TOP2B: variants seen among roughly 807,000 people sequenced by gnomAD.
The protein encoded by TOP2B is DNA topoisomerase 2-beta.
In TOP2B, 51 loss-of-function variants were observed where a neutral mutation model predicts 193.5. The observed-to-expected ratio is 0.26, with a 90% confidence interval of 0.21 to 0.33. TOP2B has a LOEUF of 0.33. TOP2B is among the 10% of genes least tolerant of loss of function. TOP2B has a pLI of 1.00. For synonymous variants in TOP2B, 634 were observed against 635.7 expected, an observed-to-expected ratio of 1.00 and a Z score of 0.04; for missense variants, 1,378 against 1,909.3, an observed-to-expected ratio of 0.72 and a Z score of 5.19.
At position 25,609,572 on chromosome 3, in the gene TOP2B, C is replaced by T. The variant is rs2125351647; in HGVS notation, c.3927G>A (p.Glu1309=). 1.9e-6 allele frequency: 3 copies of T among 1,606,262 alleles called. No homozygotes were observed. Among genetic ancestry groups the T allele is most frequent in the Non-Finnish European group, 2.6e-6 (3 of 1,176,086 alleles). ...KGPKPKREKK[E]PGTRVRKTPT... ...AAAACTATAATCATTTCTCACCAGG[C>T]TCCTTCTTCTCCCTCTTAGGTTTGG... Residue 1309 remains glutamate, a synonymous_variant, in exon 29 of 36, where the codon GAG becomes GAA. Coordinates refer to ENST00000264331, the MANE Select transcript of TOP2B (RefSeq NM_001330700.2).
intron 1 of TOP2B, among the ~76,000 whole-genome samples, chr3:25,661,747 C>T (rs548780364): frequency 2.6e-5 from 4 of 152,286 alleles, no homozygotes; most frequent in African/African-American, 9.6e-5. Context: ...CCTAAAACCA[C>T]TTGGCTTTGT....
At chr3:25,659,861 G>A (rs1420986558) in intron 1 of TOP2B, among the ~76,000 whole-genome samples, 1 of 152,158 alleles carries the variant, frequency 6.6e-6, no homozygotes, top group African/African-American at 2.4e-5. Context: ...AGAACACTGA[G>A]TCTGGTTTAA....
At position 25,630,848 on chromosome 3, in the gene TOP2B, T is replaced by C; in HGVS notation, c.1358A>G (p.Tyr453Cys). Residue 453 changes from tyrosine to cysteine, a missense_variant, in exon 11 of 36, where the codon TAC (tyrosine) becomes TGC (cysteine). Transcript: ENST00000264331. ...QLNKKCSSVK[Y>C]SKIKGIPKLD... ...TTTGGGAATACCTTTGATTTTACTG[T>C]ATTTTACTGATGAACACTTCTTATT... 6.2e-7 allele frequency: 1 copy of C among 1,601,612 alleles called. No individual in the cohort carries two copies. The highest frequency in any genetic ancestry group is 1.7e-5 in the Admixed American group (1 of 57,542).
chr3:25,648,729 G>C (rs544436729), intron 1 of TOP2B, among the ~76,000 whole-genome samples: 1 of 152,226 alleles, frequency 6.6e-6, no homozygotes, highest in South Asian at 2.1e-4. Context: ...AGGTGTGGTA[G>C]TGCACACTTG....
In TOP2B at chr3:25,642,571, C is replaced by T. The variant is rs1433056170; in HGVS notation, c.332-186G>A. Among the ~76,000 whole-genome samples, 3 of 152,148 alleles carry T rather than the reference C, an allele frequency of 2.0e-5. No homozygotes were observed. In the East Asian group the frequency reaches 5.8e-4, roughly 29 times the overall value. ...ATAATATTCCTAAATTGTATTATCA[C>T]ACCAAATTACTGTTATGTTTTCCAC... On this transcript the variant is annotated intron_variant, in intron 3 of 35. Coordinates refer to ENST00000264331, the MANE Select transcript of TOP2B (RefSeq NM_001330700.2).
intron 4 of TOP2B, among the ~76,000 whole-genome samples, chr3:25,639,606 T>G (rs1028492415): frequency 6.6e-6 from 1 of 152,192 alleles, no homozygotes; most frequent in African/African-American, 2.4e-5. Flanking sequence ...GCGCCCAGCC[T>G]CCACATTTGT....
chr3:25,661,135 G>A (rs1246112089), intron 1 of TOP2B, among the ~76,000 whole-genome samples: 1 of 151,902 alleles, frequency 6.6e-6, no homozygotes, highest in African/African-American at 2.4e-5. Context: ...CGAGTAGCTG[G>A]GATTACAAGC....
intron 7 of TOP2B, among the ~76,000 whole-genome samples, chr3:25,634,799 C>CAAAAAAAAAAAAAAAAAAAAA (rs1224120357): frequency 1.0e-5 from 1 of 96,444 alleles, no homozygotes; most frequent in Non-Finnish European, 2.0e-5. Context: ...AAAAAAAAAC[C>CAAAAAAAAAAAAAAAAAAAAA]AAAAAAAGGC....
intron 21 of TOP2B, 77 bp from the exon 22 acceptor site, chr3:25,620,893 G>A (rs1171253267): frequency 2.1e-6 from 3 of 1,446,880 alleles, no homozygotes; most frequent in African/African-American, 1.4e-5. Flanking sequence ...AACATTGACA[G>A]ATTAACACAA....
chr3:25,660,998 ATTTTTT>A (rs11460770), intron 1 of TOP2B, among the ~76,000 whole-genome samples: 7 of 131,460 alleles, frequency 5.3e-5, no homozygotes, highest in African/African-American at 2.0e-4. Flanking sequence ...TCTTAGGTTG[ATTTTTT>A]TTTTTTTTTT....
intron 33 of TOP2B, 145 bp downstream of exon 33, chr3:25,604,615 A>G (rs912054597): frequency 3.2e-6 from 2 of 621,726 alleles, no homozygotes; most frequent in African/African-American, 3.9e-5. Context: ...AGATGGCTAG[A>G]AAACGAGAGG....
chr3:25,625,663 C>T (rs1702782474), intron 18 of TOP2B, among the ~76,000 whole-genome samples: 2 of 152,124 alleles, frequency 1.3e-5, no homozygotes, highest in Non-Finnish European at 2.9e-5. Flanking sequence ...TGGCCCAAGA[C>T]AATTCTTCCT....
chr3:25,610,699 T>G (rs1375292226), intron 28 of TOP2B, among the ~76,000 whole-genome samples: 1 of 152,200 alleles, frequency 6.6e-6, no homozygotes, highest in Non-Finnish European at 1.5e-5. Flanking sequence ...CACTGAAGAT[T>G]TTTAAGCCTA....
Position 25,626,693 on chromosome 3 carries a change from A to G in TOP2B, c.2110-19T>C. On this transcript the variant is annotated intron_variant, in intron 17 of 35. Transcript: ENST00000264331. ...AAAATTGCTAAGAGAAAAGTTATATAGCAATATTATCATTATTACTGCATG... is the reference window on the plus strand; with the variant it reads ...AAAATTGCTAAGAGAAAAGTTATATGGCAATATTATCATTATTACTGCATG... The G allele has an allele frequency of 6.7e-7, 1 of 1,501,534 alleles. No homozygotes were observed. Among genetic ancestry groups the G allele is most frequent in the Non-Finnish European group, 9.0e-7 (1 of 1,107,486 alleles). The allele number at this position is 1,501,534 out of a possible 1,614,324, so 93.0% of individuals were successfully genotyped here.
At chr3:25,606,419 C>CA (rs1182707847) in intron 31 of TOP2B, among the ~76,000 whole-genome samples, 1 of 151,962 alleles carries the variant, frequency 6.6e-6, no homozygotes, top group Non-Finnish European at 1.5e-5. Context: ...TAAAGTTATT[C>CA]AAAATACTTT....
intron 11 of TOP2B, 62 bp from the exon 12 acceptor site, chr3:25,630,531 T>C: frequency 7.5e-7 from 1 of 1,339,946 alleles, no homozygotes; most frequent in Non-Finnish European, 1.0e-6. Flanking sequence ...ATGAGAAAAA[T>C]GAAGTCAGAA....
At chr3:25,600,576 AT>A (rs150363543) in intron 34 of TOP2B, among the ~76,000 whole-genome samples, 2,041 of 152,318 alleles carry the variant, frequency 0.013, 48 homozygotes, top group African/African-American at 0.045. Flanking sequence ...CCCTCACAGC[AT>A]GAGCTACCCT....
At chr3:25,656,854 T>A (rs1028701332) in intron 1 of TOP2B, among the ~76,000 whole-genome samples, 5 of 152,240 alleles carry the variant, frequency 3.3e-5, no homozygotes, top group Non-Finnish European at 7.3e-5. Flanking sequence ...TAAAGAAATA[T>A]GTTAAAGGCT....
At chr3:25,603,469 T>C (rs1016342970) in intron 33 of TOP2B, among the ~76,000 whole-genome samples, 2 of 152,070 alleles carry the variant, frequency 1.3e-5, no homozygotes, top group African/African-American at 4.8e-5. Flanking sequence ...TCTTAAACTC[T>C]TGACCTCAAG....
Sources: allele counts gnomAD v4.1 joint callset (sites outside exome capture counted in the v4.1 genomes callset), GRCh38; gene constraint gnomAD v4.1.1; transcripts MANE v1.5; gene names NCBI Gene and HGNC (gene_info 2026-07-23, HGNC 2026-07-21).